The following ATP1B4 variants were observed in gnomAD, a reference collection of about 807,000 sequenced individuals.
ATP1B4 encodes ATPase Na+/K+ transporting family member beta 4, also known as protein ATP1B4.
ATP1B4 carries 32 observed loss-of-function variants against 29.6 expected under a neutral mutation model. That is an observed-to-expected ratio of 1.08 (90% confidence interval 0.82 to 1.45). The LOEUF (loss-of-function observed/expected upper bound fraction) is 1.45, where lower values mean the gene tolerates loss of function less well. Ranked by LOEUF, ATP1B4 falls within the 40% of genes most tolerant of loss-of-function variation. ATP1B4 has a pLI of 0.00. For synonymous variants in ATP1B4, 127 were observed against 102.1 expected (o/e 1.24, Z -1.47); for missense variants, 323 against 276.2 (o/e 1.17, Z -1.20).
chrX:120,375,791 C>G (rs192966533), intron 5 of ATP1B4, among the ~76,000 whole-genome samples: 1 of 109,244 alleles, frequency 9.2e-6, no homozygotes, highest in African/African-American at 3.3e-5. Flanking sequence ...AAACCTGTCA[C>G]TTGATGGCCT....
intron 2 of ATP1B4, among the ~76,000 whole-genome samples, chrX:120,367,862 A>G (rs1000950093): frequency 4.5e-5 from 5 of 110,987 alleles, no homozygotes; most frequent in Admixed American, 9.6e-5. Context: ...CCCCTCCCCA[A>G]TTCCCAGCCC....
chrX:120,370,072 C>T (rs954657041), intron 2 of ATP1B4, among the ~76,000 whole-genome samples: 2 of 111,888 alleles, frequency 1.8e-5, no homozygotes, highest in Non-Finnish European at 3.8e-5. Context: ...CCAAAGTTCA[C>T]GGGCAAGTGT....
chrX:120,364,440 G>T (rs2058276034), intron 1 of ATP1B4, among the ~76,000 whole-genome samples: 1 of 111,135 alleles, frequency 9.0e-6, no homozygotes, highest in African/African-American at 3.3e-5. Context: ...AAGTCAGGCA[G>T]GTATCACTGA....
chrX:120,378,662 C>T lies in ATP1B4; in HGVS notation c.817-16C>T, dbSNP rs146693811. On this transcript the variant is annotated splice_polypyrimidine_tract_variant and intron_variant, in intron 6 of 7. Coordinates refer to ENST00000218008, the MANE Select transcript of ATP1B4 (RefSeq NM_001142447.3). The stretch of plus-strand genomic sequence containing the variant: ...CTGTGACCCAGCACCCCACATATAC[C>T]TGCTTTTGCTTACAGAGAGGTGATG... 1.2e-3 allele frequency: 1,433 copies of T among 1,197,935 alleles called. 19 individuals carry two copies. The African/African-American group carries it at 0.022, about 18-fold the overall frequency.
intron 4 of ATP1B4, among the ~76,000 whole-genome samples, chrX:120,374,507 C>T (rs1282408766): frequency 1.2e-5 from 1 of 85,472 alleles, no homozygotes; most frequent in African/African-American, 4.4e-5. Context: ...TAAGGATATA[C>T]CCTTATATAT....
intron 2 of ATP1B4, among the ~76,000 whole-genome samples, chrX:120,369,554 T>A (rs928057824): frequency 8.9e-5 from 10 of 112,086 alleles, no homozygotes; most frequent in African/African-American, 3.2e-4. Context: ...TCCAACATCA[T>A]GTCATTTCTG....
Position 120,379,138 on chromosome X carries a change from G to A in ATP1B4, c.913-335G>A, listed in dbSNP as rs754915264. Among the ~76,000 whole-genome samples the A allele has an allele frequency of 9.9e-5, 11 of 111,255 alleles. No homozygotes were observed. The East Asian group carries it at 2.8e-3, about 29-fold the overall frequency. On this transcript the variant is annotated intron_variant, in intron 7 of 7. Coordinates refer to ENST00000218008, the MANE Select transcript of ATP1B4 (RefSeq NM_001142447.3). ...CACGCTTCTGTTTCTCCCATTTGAA[G>A]CGCTGGGGTGAGTCCCCAACACAGG...
chrX:120,382,767 A>G lies in ATP1B4; in HGVS notation c.*3133A>G, dbSNP rs2058386194. 8.9e-6 allele frequency: 1 copy of G among 112,456 alleles called. No homozygotes were observed. The highest frequency in any genetic ancestry group is 1.9e-5 in the Non-Finnish European group (1 of 53,274). 9.3% of individuals were successfully genotyped at this position (112,456 alleles called of 1,213,427 possible). ...CAAGGAATTATGAATCATTTGTCAA[A>G]TAATATTTATCTTTCAATGGAATCC... On this transcript the variant is annotated 3_prime_UTR_variant, in exon 8 of 8. Transcript: ENST00000218008.
chrX:120,375,940 T>C (rs1007521621), intron 5 of ATP1B4, among the ~76,000 whole-genome samples: 4 of 111,377 alleles, frequency 3.6e-5, no homozygotes, highest in African/African-American at 1.3e-4. Flanking sequence ...TCATCTTTAA[T>C]TTTTTAAAAA....
intron 2 of ATP1B4, among the ~76,000 whole-genome samples, chrX:120,368,021 G>A (rs1213522981): frequency 1.8e-5 from 2 of 112,039 alleles, no homozygotes. Context: ...AAGAGGACTG[G>A]AAAAACAAGC....
At position 120,376,435 on chromosome X, in the gene ATP1B4, A is replaced by T; in HGVS notation, c.815A>T (p.Gln272Leu). The T allele has an allele frequency of 8.3e-7, 1 of 1,206,345 alleles. No individual in the cohort carries two copies. The highest frequency in any genetic ancestry group is 1.1e-6 in the Non-Finnish European group (1 of 890,614). ...GDPVKVSCKV[Q>L]RGDENDIRSI... ...CCTGTGAAGGTTTCCTGCAAAGTTCAGGTAAAGAGTCCTTTTGAGTAAGCA... is the reference window on the plus strand; with the variant it reads ...CCTGTGAAGGTTTCCTGCAAAGTTCTGGTAAAGAGTCCTTTTGAGTAAGCA... Residue 272 changes from glutamine to leucine, a missense_variant and splice_region_variant, in exon 6 of 8, where the codon CAG becomes CTG. Coordinates refer to ENST00000218008, the MANE Select transcript of ATP1B4 (RefSeq NM_001142447.3).
intron 5 of ATP1B4, 118 bp downstream of exon 5, chrX:120,375,686 A>G (rs5909706): frequency 0.4 from 228,959 of 573,886 alleles, 35,948 homozygotes; most frequent in Middle Eastern, 0.51. Context: ...CATTTTTCTG[A>G]CAGTATCATA....
rs2058383975 is a variant in ATP1B4 at position 120,382,223 on chromosome X, A to G, written c.*2589A>G. The G allele has an allele frequency of 1.8e-5, 2 of 111,516 alleles. No individual in the cohort carries two copies. Among genetic ancestry groups the G allele is most frequent in the Non-Finnish European group, 1.9e-5 (1 of 53,114 alleles). 9.2% of individuals were successfully genotyped at this position (111,516 alleles called of 1,213,427 possible). A position where few individuals can be genotyped will look rare whatever the true frequency, so the allele number is the denominator to read the frequency against. On this transcript the variant is annotated 3_prime_UTR_variant, in exon 8 of 8. Transcript: ENST00000218008. Reference sequence around the variant, plus strand: ...CCCAGACACCTTCAAAGTCTTATTGACACAGTAAAGGGAGGCCAACCACTA... The same window carrying G: ...CCCAGACACCTTCAAAGTCTTATTGGCACAGTAAAGGGAGGCCAACCACTA...
chrX:120,362,155 C>T lies in ATP1B4; in HGVS notation c.-14C>T. ...ATTGCCTGCCTCTGCTGCGTCTTTG[C>T]CCACTGAACAGCCATGAGAAGGCAA... On this transcript the variant is annotated 5_prime_UTR_variant, in exon 1 of 8. Transcript: ENST00000218008. 8.3e-7 allele frequency: 1 copy of T among 1,207,872 alleles called. No homozygotes were observed. Among genetic ancestry groups the T allele is most frequent in the South Asian group, 1.8e-5 (1 of 56,884 alleles).
intron 2 of ATP1B4, among the ~76,000 whole-genome samples, chrX:120,368,618 G>A (rs1462179437): frequency 1.8e-5 from 2 of 112,013 alleles, no homozygotes; most frequent in African/African-American, 3.2e-5. Flanking sequence ...AAGTGGCAGT[G>A]CTGGGATTAC....
Position 120,366,784 on chromosome X carries a change from G to A in ATP1B4, c.323G>A (p.Ser108Asn), listed in dbSNP as rs374534200. The stretch of plus-strand genomic sequence containing the variant: ...ATGTTTCTGGCCCGAACAGGTCAGA[G>A]TTGGAGTAAGTCCCAATAGTCCCAA... ...RRMFLARTGQ[S>N]WSLILLIYFF... The change falls in exon 2 of 8, where the codon AGT becomes AAT. Residue 108 changes from serine (S) to asparagine (N), a missense_variant. Coordinates refer to ENST00000218008, the MANE Select transcript of ATP1B4 (RefSeq NM_001142447.3). 117 of 1,206,219 alleles carry A rather than the reference G, an allele frequency of 9.7e-5. No individual in the cohort carries two copies. In the African/African-American group the frequency reaches 1.9e-3, roughly 19 times the overall value.
chrX:120,381,287 G>A lies in ATP1B4; in HGVS notation c.*1653G>A. 9.0e-6 allele frequency: 1 copy of A among 111,698 alleles called. No individual in the cohort carries two copies. The highest frequency in any genetic ancestry group is 4.5e-3 in the Middle Eastern group (1 of 220). The allele number at this position is 111,698 out of a possible 1,213,427, so 9.2% of individuals were successfully genotyped here. A position where few individuals can be genotyped will look rare whatever the true frequency, so the allele number is the denominator to read the frequency against. ...AGTTTATGTAACTGGAATGAAAAGGGCTCAGAGGAATGGCAGGGATGGCAA... is the reference window on the plus strand; with the variant it reads ...AGTTTATGTAACTGGAATGAAAAGGACTCAGAGGAATGGCAGGGATGGCAA... On this transcript the variant is annotated 3_prime_UTR_variant, in exon 8 of 8. Coordinates refer to ENST00000218008, the MANE Select transcript of ATP1B4 (RefSeq NM_001142447.3).
chrX:120,369,873 G>C (rs1404402876), intron 2 of ATP1B4, among the ~76,000 whole-genome samples: 1 of 112,299 alleles, frequency 8.9e-6, no homozygotes, highest in South Asian at 3.7e-4. Flanking sequence ...CGAGGAAATT[G>C]AGGCCCAGAG....
At chrX:120,369,327 T>C (rs960927292) in intron 2 of ATP1B4, among the ~76,000 whole-genome samples, 1 of 112,666 alleles carries the variant, frequency 8.9e-6, no homozygotes, top group Non-Finnish European at 1.9e-5. Flanking sequence ...CATGTTCCAG[T>C]TCTGCTTTAG....
Sources: allele counts gnomAD v4.1 joint callset (sites outside exome capture counted in the v4.1 genomes callset), GRCh38; gene constraint gnomAD v4.1.1; transcripts MANE v1.5; gene names NCBI Gene and HGNC (gene_info 2026-07-23, HGNC 2026-07-21).